The following AXIN2 variants were observed in gnomAD, a reference collection of about 807,000 sequenced individuals.
The protein encoded by AXIN2 is axin 2.
In AXIN2, 21 loss-of-function variants were observed where a neutral mutation model predicts 74.7. The ratio of observed to expected loss-of-function variants is 0.28; its 90% confidence interval spans 0.20 to 0.40. The LOEUF (loss-of-function observed/expected upper bound fraction) is 0.40, where lower values mean the gene tolerates loss of function less well. Ranked by LOEUF, AXIN2 falls within the 10% of genes least tolerant of loss-of-function variation. AXIN2 has a pLI of 1.00. For missense variants in AXIN2, 1,144 were observed against 1,111.1 expected, an observed-to-expected ratio of 1.03 and a Z score of -0.42; for synonymous variants, 532 against 454.9, an observed-to-expected ratio of 1.17 and a Z score of -2.16.
At position 65,535,611 on chromosome 17, in the gene AXIN2, G is replaced by A. The variant is rs2043897457; in HGVS notation, c.2237+15C>T. The A allele has an allele frequency of 6.2e-7, 1 of 1,610,908 alleles. No homozygotes were observed. The highest frequency in any genetic ancestry group is 8.5e-7 in the Non-Finnish European group (1 of 1,177,024). On this transcript the variant is annotated intron_variant, in intron 9 of 10. Coordinates refer to ENST00000307078, the MANE Select transcript of AXIN2 (RefSeq NM_004655.4). ...CACTCGGCAGATCTCAGTAATGTCA[G>A]GTAAAGACACTCACTCTTCTGGAGC...
At chr17:65,552,616 G>A (rs776682650) in intron 2 of AXIN2, among the ~76,000 whole-genome samples, 16 of 152,202 alleles carry the variant, frequency 1.1e-4, no homozygotes, top group Non-Finnish European at 8.8e-5. Flanking sequence ...CTGAAGAGCA[G>A]GCAGTTGGAT....
At chr17:65,549,808 A>C (rs777665599) in intron 2 of AXIN2, 148 bp from the exon 3 acceptor site, 164 of 1,077,686 alleles carry the variant, frequency 1.5e-4, no homozygotes, top group Non-Finnish European at 2.2e-4. Context: ...CTGGGCAGAA[A>C]GCAGGGGCCA....
chr17:65,544,342 C>G lies in AXIN2; in HGVS notation c.957-2785G>C, dbSNP rs576455863. Among the ~76,000 whole-genome samples, 646 of 151,692 alleles carry G rather than the reference C, an allele frequency of 4.3e-3. 4 individuals are homozygous for G. Among genetic ancestry groups the G allele is most frequent in the South Asian group, 5.4e-3 (26 of 4,782 alleles). On this transcript the variant is annotated intron_variant, in intron 3 of 10. Coordinates refer to ENST00000307078, the MANE Select transcript of AXIN2 (RefSeq NM_004655.4). ...ACTGCAATATTGAAGGCAAAAGGAACAAATGATTTCATAAGCACCTCATAC... is the reference window on the plus strand; with the variant it reads ...ACTGCAATATTGAAGGCAAAAGGAAGAAATGATTTCATAAGCACCTCATAC...
At position 65,530,119 on chromosome 17, in the gene AXIN2, A is replaced by C; in HGVS notation, c.2406-17T>G. The C allele has an allele frequency of 6.2e-7, 1 of 1,614,020 alleles. No homozygotes were observed. The highest frequency in any genetic ancestry group is 8.5e-7 in the Non-Finnish European group (1 of 1,179,940). ...AAGTAATACCTTAAAAGGAAAACCA[A>C]AAAAGCTTCTTGGTAAACTGCATTT... is the stretch of plus-strand genomic sequence containing the variant. On this transcript the variant is annotated splice_polypyrimidine_tract_variant and intron_variant, in intron 10 of 10. Coordinates refer to ENST00000307078, the MANE Select transcript of AXIN2 (RefSeq NM_004655.4).
intron 4 of AXIN2, 94 bp downstream of exon 4, chr17:65,541,361 T>G: frequency 8.6e-7 from 1 of 1,156,638 alleles, no homozygotes; most frequent in Non-Finnish European, 1.3e-6. Context: ...TTTTCTACCT[T>G]CCCTATACCT....
chr17:65,528,822 G>C lies in AXIN2; in HGVS notation c.*1154C>G, dbSNP rs971051447. 1 of 465,998 alleles carries C rather than the reference G, an allele frequency of 2.1e-6. No individual in the cohort carries two copies. Among genetic ancestry groups the C allele is most frequent in the African/African-American group, 2.0e-5 (1 of 50,820 alleles). 28.9% of individuals were successfully genotyped at this position (465,998 alleles called of 1,614,324 possible). ...GACACACGGAGCGGGTGACCGTGCA[G>C]GTACAGGTACTGTACTGATTTAAAG... On this transcript the variant is annotated 3_prime_UTR_variant, in exon 11 of 11. Transcript: ENST00000307078.
intron 10 of AXIN2, among the ~76,000 whole-genome samples, chr17:65,531,188 T>C (rs1829138913): frequency 2.4e-5 from 1 of 41,936 alleles, no homozygotes; most frequent in Admixed American, 2.6e-4. Context: ...CTTTGTCTTT[T>C]CCCTTTAAAA....
chr17:65,552,540 C>A (rs1171368604), intron 2 of AXIN2, among the ~76,000 whole-genome samples: 4 of 152,192 alleles, frequency 2.6e-5, no homozygotes, highest in African/African-American at 9.7e-5. Context: ...CTGGGCACTG[C>A]TGCCGGCTTG....
chr17:65,560,467 C>T (rs1240507664), intron 1 of AXIN2: 3 of 151,824 alleles, frequency 2.0e-5, no homozygotes, highest in Admixed American at 6.6e-5. Flanking sequence ...ACCCTTTCAT[C>T]CCACCTCCCA....
chr17:65,554,135 G>C (rs1038365803), intron 2 of AXIN2, among the ~76,000 whole-genome samples: 5 of 152,162 alleles, frequency 3.3e-5, no homozygotes, highest in Non-Finnish European at 7.3e-5. Context: ...TCCTCTTAAT[G>C]AGATGCTGTG....
At position 65,529,455 on chromosome 17, in the gene AXIN2, A is replaced by AT. The variant is rs1212613746; in HGVS notation, c.*520dup. 3.6e-6 allele frequency: 1 copy of AT among 276,906 alleles called. No individual in the cohort carries two copies. Among genetic ancestry groups the AT allele is most frequent in the African/African-American group, 2.2e-5 (1 of 46,152 alleles). 17.2% of individuals were successfully genotyped at this position (276,906 alleles called of 1,614,324 possible). A position where few individuals can be genotyped will look rare whatever the true frequency, so the allele number is the denominator to read the frequency against. On this transcript the variant is annotated 3_prime_UTR_variant, in exon 11 of 11. Coordinates refer to ENST00000307078, the MANE Select transcript of AXIN2 (RefSeq NM_004655.4). ...CACTTGGAGGGACGTAGTGCAAAGC[A>AT]TAATTCCTCTGTTAGTGAAGAAACC...
At position 65,535,621 on chromosome 17, in the gene AXIN2, C is replaced by A. The variant is rs191237802; in HGVS notation, c.2237+5G>T. The stretch of plus-strand genomic sequence containing the variant: ...ATCTCAGTAATGTCAGGTAAAGACA[C>A]TCACTCTTCTGGAGCCAGGCTTGGA... On this transcript the variant is annotated splice_donor_5th_base_variant and intron_variant, in intron 9 of 10. Coordinates refer to ENST00000307078, the MANE Select transcript of AXIN2 (RefSeq NM_004655.4). 6.2e-7 allele frequency: 1 copy of A among 1,613,628 alleles called. No homozygotes were observed. The highest frequency in any genetic ancestry group is 1.7e-5 in the Admixed American group (1 of 60,032).
At chr17:65,552,975 C>T (rs569191494) in intron 2 of AXIN2, among the ~76,000 whole-genome samples, 1 of 152,180 alleles carries the variant, frequency 6.6e-6, no homozygotes, top group South Asian at 2.1e-4. Flanking sequence ...TTGTGGTGAG[C>T]AGAGATCACA....
At chr17:65,549,389 A>G in intron 3 of AXIN2, 131 bp downstream of exon 3, 1 of 1,150,736 alleles carries the variant, frequency 8.7e-7, no homozygotes, top group Non-Finnish European at 1.3e-6. Context: ...CTCCCCTCCC[A>G]CCAAACTGAT....
chr17:65,541,701 C>T (rs369573016), intron 3 of AXIN2, 144 bp from the exon 4 acceptor site: 13 of 754,214 alleles, frequency 1.7e-5, no homozygotes, highest in South Asian at 7.2e-5. Flanking sequence ...CAGATACCAT[C>T]GGTGCTCCCA....
chr17:65,535,546 A>G, intron 9 of AXIN2, 80 bp downstream of exon 9: 1 of 1,422,742 alleles, frequency 7.0e-7, no homozygotes, highest in Admixed American at 1.8e-5. Flanking sequence ...AAGTTTCATG[A>G]AAATGAAACT....
intron 3 of AXIN2, among the ~76,000 whole-genome samples, chr17:65,547,622 T>C (rs2044135341): frequency 6.6e-6 from 1 of 152,120 alleles, no homozygotes; most frequent in Non-Finnish European, 1.5e-5. Flanking sequence ...CCAAAAATAG[T>C]CTCTAAGAAA....
intron 9 of AXIN2, among the ~76,000 whole-genome samples, 192 bp from the exon 10 acceptor site, chr17:65,534,271 C>T (rs545905155): frequency 4.6e-5 from 7 of 152,364 alleles, no homozygotes; most frequent in African/African-American, 1.7e-4. Context: ...ACACACAGTC[C>T]AACCCCACAT....
chr17:65,546,019 G>A (rs943990844), intron 3 of AXIN2, among the ~76,000 whole-genome samples: 62 of 151,798 alleles, frequency 4.1e-4, no homozygotes, highest in African/African-American at 1.5e-3. Flanking sequence ...GGAGTCTATT[G>A]AAGGCTGCCT....
Sources: gnomAD v4.1 joint callset for allele counts (sites outside exome capture counted in the v4.1 genomes callset) on GRCh38, gnomAD v4.1.1 for gene constraint, MANE v1.5 for transcripts, NCBI Gene and HGNC (gene_info 2026-07-23, HGNC 2026-07-21) for gene names.